The following TMEM117 variants were observed in gnomAD, a reference collection of about 807,000 sequenced individuals.
The protein encoded by TMEM117 is transmembrane protein 117.
Under a neutral mutation model 52.4 loss-of-function variants are expected in TMEM117, and 27 were observed. The ratio of observed to expected loss-of-function variants is 0.51; its 90% CI spans 0.38 to 0.71. The LOEUF (loss-of-function observed/expected upper bound fraction) is 0.71, where lower values mean the gene tolerates loss of function less well. TMEM117 is among the 30% of genes least tolerant of loss of function. The probability of loss-of-function intolerance (pLI) is 0.00; values close to 1 mark genes in which losing one functional copy is unlikely to be tolerated. For synonymous variants in TMEM117, 215 were observed against 206.3 expected (o/e 1.04, Z -0.36); for missense variants, 556 against 630.5 (o/e 0.88, Z 1.26).
chr12:44,154,056 A>G (rs1948791912), intron 4 of TMEM117, among the ~76,000 whole-genome samples: 1 of 152,054 alleles, frequency 6.6e-6, no homozygotes, highest in Non-Finnish European at 1.5e-5. Context: ...TTGGCTGACA[A>G]AATATGTTAA....
intron 3 of TMEM117, among the ~76,000 whole-genome samples, chr12:44,068,467 A>G (rs966822118): frequency 3.3e-5 from 5 of 152,152 alleles, no homozygotes; most frequent in African/African-American, 1.2e-4. Context: ...AGGCCATTGT[A>G]TTAGTTATTA....
chr12:43,912,487 T>TA (rs1273815460), intron 2 of TMEM117, among the ~76,000 whole-genome samples: 5 of 137,770 alleles, frequency 3.6e-5, no homozygotes, highest in African/African-American at 1.3e-4. Flanking sequence ...CCCTAAAACT[T>TA]AAAGTATAAT....
chr12:44,090,426 A>T (rs1947645846), intron 3 of TMEM117, among the ~76,000 whole-genome samples: 1 of 146,564 alleles, frequency 6.8e-6, no homozygotes, highest in African/African-American at 2.5e-5. Context: ...TTATTTATTT[A>T]TTTATTTATT....
At chr12:44,369,837 G>C (rs908036873) in intron 6 of TMEM117, among the ~76,000 whole-genome samples, 1 of 152,098 alleles carries the variant, frequency 6.6e-6, no homozygotes. Context: ...TTCCTCCTGA[G>C]AGAAAACTCC....
At chr12:43,804,422 A>G in the TMEM117 span, 10 of 926,284 alleles carry the variant, frequency 1.1e-5, no homozygotes, top group East Asian at 2.6e-4. Flanking sequence ...AATCACTGAC[A>G]ACACACAGTA....
chr12:43,881,059 C>T (rs1456546475), intron 2 of TMEM117, among the ~76,000 whole-genome samples: 1 of 152,088 alleles, frequency 6.6e-6, no homozygotes, highest in African/African-American at 2.4e-5. Context: ...CTTTTTAATG[C>T]TTGTTTATTT....
At chr12:44,328,082 A>G (rs912922686) in intron 6 of TMEM117, among the ~76,000 whole-genome samples, 3 of 152,188 alleles carry the variant, frequency 2.0e-5, no homozygotes, top group Admixed American at 2.0e-4. Context: ...GCTTGATGTT[A>G]TCTCTAGTTG....
chr12:44,008,924 G>T, intron 3 of TMEM117: 4 of 390,164 alleles, frequency 1.0e-5, no homozygotes, highest in Admixed American at 1.0e-4. Context: ...CATGTAGTGC[G>T]TATTAAGATC....
intron 4 of TMEM117, among the ~76,000 whole-genome samples, chr12:44,148,621 A>G (rs531254647): frequency 9.2e-5 from 14 of 152,178 alleles, no homozygotes; most frequent in African/African-American, 3.4e-4. Context: ...ATTAATATTT[A>G]TACTGCTATT....
chr12:44,085,123 C>T (rs1343678050), intron 3 of TMEM117, among the ~76,000 whole-genome samples: 2 of 152,142 alleles, frequency 1.3e-5, no homozygotes, highest in Admixed American at 6.5e-5. Flanking sequence ...GCTATTAATT[C>T]GTAAGACTAC....
chr12:43,836,876 T>G (rs1362077279), intron 1 of TMEM117, among the ~76,000 whole-genome samples: 2 of 151,430 alleles, frequency 1.3e-5, no homozygotes, highest in Non-Finnish European at 2.9e-5. Flanking sequence ...GGAAAAAAAA[T>G]GAGTAAAAGT....
intron 5 of TMEM117, among the ~76,000 whole-genome samples, chr12:44,234,707 A>G (rs915893196): frequency 6.6e-6 from 1 of 151,214 alleles, no homozygotes; most frequent in African/African-American, 2.4e-5. Context: ...TTTCTTTTTC[A>G]TATATGCATT....
intron 4 of TMEM117, among the ~76,000 whole-genome samples, chr12:44,185,578 A>T (rs1183453215): frequency 2.0e-5 from 3 of 152,138 alleles, no homozygotes; most frequent in Non-Finnish European, 4.4e-5. Flanking sequence ...ATGAACTCCT[A>T]TTTATGGTTG....
At chr12:43,872,631 T>C (rs1301935598) in intron 2 of TMEM117, among the ~76,000 whole-genome samples, 1 of 152,200 alleles carries the variant, frequency 6.6e-6, no homozygotes, top group Non-Finnish European at 1.5e-5. Flanking sequence ...CAGGAAGACA[T>C]TGAGCATAAT....
rs1948599151 is a variant in TMEM117 at position 44,143,553 on chromosome 12, A to G, written c.439A>G (p.Ile147Val). ...ATATATCATTACAGACTATATGGGC[A>G]TCCGAAATGAAAGTTTCATGAAATT... ...GAYIITDYMG[I>V]RNESFMKLAA... The change falls in exon 4 of 8, where the codon ATC becomes GTC. Residue 147 changes from isoleucine (I) to valine (V), a missense_variant. Around this residue, in one of 3 missense-constraint regions of TMEM117, gnomAD observed 328 missense variants for 371.4 expected, o/e 0.88. Coordinates refer to ENST00000266534, the MANE Select transcript of TMEM117 (RefSeq NM_032256.3). The G allele has an allele frequency of 6.2e-7, 1 of 1,613,868 alleles. No individual in the cohort carries two copies. Among genetic ancestry groups the G allele is most frequent in the Non-Finnish European group, 8.5e-7 (1 of 1,179,904 alleles).
Position 44,388,300 on chromosome 12 carries a change from T to C in TMEM117, c.1173T>C (p.Asp391=). The C allele has an allele frequency of 6.2e-7, 1 of 1,613,616 alleles. No homozygotes were observed. Among genetic ancestry groups the C allele is most frequent in the East Asian group, 2.2e-5 (1 of 44,872 alleles). ...LHSRFIGASL[D]VKCLAFVPSL... ...GCAGGTTCATAGGAGCCAGTCTTGA[T>C]GTCAAGTGTCTGGCCTTTGTTCCAA... The change falls in exon 8 of 8, where the codon GAT becomes GAC. Residue 391 remains aspartate (D), a synonymous_variant. Coordinates refer to ENST00000266534, the MANE Select transcript of TMEM117 (RefSeq NM_032256.3).
At chr12:44,323,099 A>G (rs1219738083) in intron 6 of TMEM117, among the ~76,000 whole-genome samples, 1 of 152,198 alleles carries the variant, frequency 6.6e-6, no homozygotes, top group Non-Finnish European at 1.5e-5. Context: ...AGTGAAGGCC[A>G]TAAGCCAGAG....
At chr12:43,853,337 G>T (rs1244297298) in intron 2 of TMEM117, among the ~76,000 whole-genome samples, 2 of 152,264 alleles carry the variant, frequency 1.3e-5, no homozygotes, top group Non-Finnish European at 2.9e-5. Context: ...GTGCAGTGGT[G>T]CAATCTTGGC....
chr12:43,823,368 C>T, the TMEM117 span, among the ~76,000 whole-genome samples: 2 of 152,190 alleles, frequency 1.3e-5, no homozygotes, highest in Non-Finnish European at 2.9e-5. Context: ...AAAAATCTAC[C>T]TCCTTTCCAT....
Sources: allele counts gnomAD v4.1 joint callset (sites outside exome capture counted in the v4.1 genomes callset), GRCh38; gene constraint gnomAD v4.1.1; regional missense constraint gnomAD v4.1.1; transcripts MANE v1.5; gene names NCBI Gene and HGNC (gene_info 2026-07-23, HGNC 2026-07-21).